The following EDNRA variants were observed in gnomAD, a reference collection of about 807,000 sequenced individuals.
EDNRA encodes endothelin-1 receptor.
A neutral mutation model predicts 41.4 loss-of-function variants in EDNRA; 11 were observed. That is an observed-to-expected ratio of 0.27 (90% CI 0.17 to 0.44). The LOEUF is 0.44. EDNRA is among the 20% of genes least tolerant of loss of function. EDNRA has a pLI of 1.00. For missense variants in EDNRA, 294 were observed against 531.0 expected (o/e 0.55, Z 4.39); for synonymous variants, 172 against 183.0 (o/e 0.94, Z 0.49).
intron 1 of EDNRA, among the ~76,000 whole-genome samples, 198 bp from the exon 2 acceptor site, chr4:147,485,414 T>C (rs1011604588): frequency 6.6e-6 from 1 of 152,086 alleles, no homozygotes; most frequent in African/African-American, 2.4e-5. Context: ...GAGACTGACA[T>C]AGAGGAGATA....
intron 2 of EDNRA, among the ~76,000 whole-genome samples, chr4:147,517,007 A>G (rs554309812): frequency 4.7e-4 from 71 of 151,512 alleles, no homozygotes; most frequent in South Asian, 4.2e-3. Flanking sequence ...AAAAAAAAGC[A>G]TATGCTTCTA....
intron 2 of EDNRA, among the ~76,000 whole-genome samples, chr4:147,500,851 G>GA (rs1729494894): frequency 6.6e-6 from 1 of 152,146 alleles, no homozygotes; most frequent in African/African-American, 2.4e-5. Flanking sequence ...GGAAGAAAGG[G>GA]AGGGAGCATG....
intron 7 of EDNRA, among the ~76,000 whole-genome samples, chr4:147,541,067 C>CAAAAAAAAAA (rs10551607): frequency 2.2e-5 from 1 of 46,166 alleles, no homozygotes; most frequent in Non-Finnish European, 4.5e-5. Flanking sequence ...GACTCAGTCT[C>CAAAAAAAAAA]AAAAAAAAAA....
chr4:147,536,910 T>C (rs1162158463), intron 5 of EDNRA, among the ~76,000 whole-genome samples: 5 of 152,214 alleles, frequency 3.3e-5, no homozygotes, highest in African/African-American at 1.2e-4. Flanking sequence ...TCTCATAATA[T>C]GTATGTAATA....
At chr4:147,530,378 GA>G (rs1423200454) in intron 3 of EDNRA, among the ~76,000 whole-genome samples, 2 of 151,952 alleles carry the variant, frequency 1.3e-5, no homozygotes, top group African/African-American at 4.8e-5. Context: ...AGGGAACAAA[GA>G]AAAATAAACA....
intron 5 of EDNRA, among the ~76,000 whole-genome samples, chr4:147,538,698 A>AG (rs1030273037): frequency 6.6e-6 from 1 of 152,198 alleles, no homozygotes; most frequent in African/African-American, 2.4e-5. Flanking sequence ...GCCATATCCC[A>AG]GCTAGCCCAA....
At chr4:147,510,277 C>T (rs1729873966) in intron 2 of EDNRA, among the ~76,000 whole-genome samples, 2 of 152,104 alleles carry the variant, frequency 1.3e-5, no homozygotes, top group Non-Finnish European at 2.9e-5. Flanking sequence ...GAAAGGAACC[C>T]AGTGTCACTG....
At chr4:147,496,315 A>T (rs1052592038) in intron 2 of EDNRA, among the ~76,000 whole-genome samples, 28 of 152,226 alleles carry the variant, frequency 1.8e-4, no homozygotes, top group African/African-American at 6.3e-4. Context: ...AAATGGTGTC[A>T]TTGATGTCAT....
In EDNRA at chr4:147,542,339, A is replaced by C. The variant is rs1257322786; in HGVS notation, c.1144-139A>C. The C allele has an allele frequency of 2.6e-6, 3 of 1,143,536 alleles. No homozygotes were observed. The East Asian group carries it at 7.3e-5, about 28-fold the overall frequency. 70.8% of individuals were successfully genotyped at this position (1,143,536 alleles called of 1,614,324 possible). On this transcript the variant is annotated intron_variant, in intron 7 of 7. Coordinates refer to ENST00000651419, the MANE Select transcript of EDNRA (RefSeq NM_001957.4). ...CCTGCCTGGTGATAACAGGCTCTCC[A>C]CTCTAGGTTACTGTCAAGGTTCACT...
At chr4:147,520,601 T>G (rs1730290374) in intron 3 of EDNRA, among the ~76,000 whole-genome samples, 1 of 152,256 alleles carries the variant, frequency 6.6e-6, no homozygotes, top group Admixed American at 6.5e-5. Context: ...TTTCTTTACC[T>G]TCTGGTTTTC....
chr4:147,541,794 G>T (rs1731112271), intron 7 of EDNRA, among the ~76,000 whole-genome samples: 1 of 152,128 alleles, frequency 6.6e-6, no homozygotes, highest in South Asian at 2.1e-4. Flanking sequence ...GCCCAAAATG[G>T]ATTGACTAAC....
chr4:147,511,494 T>C (rs1390692122), intron 2 of EDNRA, among the ~76,000 whole-genome samples: 1 of 152,210 alleles, frequency 6.6e-6, no homozygotes, highest in African/African-American at 2.4e-5. Context: ...TTTTTCCATC[T>C]ACACTCAGGA....
At chr4:147,481,578 AG>A (rs1270357331) in intron 1 of EDNRA, among the ~76,000 whole-genome samples, 1 of 152,184 alleles carries the variant, frequency 6.6e-6, no homozygotes, top group African/African-American at 2.4e-5. Context: ...GCCTTCCGTG[AG>A]GGGTGCGCTG....
chr4:147,525,495 C>A (rs192167105), intron 3 of EDNRA, among the ~76,000 whole-genome samples: 1 of 150,512 alleles, frequency 6.6e-6, no homozygotes, highest in Non-Finnish European at 1.5e-5. Context: ...AAACTTTTCC[C>A]AACAAAAATG....
intron 3 of EDNRA, among the ~76,000 whole-genome samples, chr4:147,528,957 C>G (rs1730654825): frequency 6.6e-6 from 1 of 152,168 alleles, no homozygotes. Flanking sequence ...TTGCTATGTT[C>G]TGACGTAACA....
chr4:147,504,142 T>A (rs1729608821), intron 2 of EDNRA, among the ~76,000 whole-genome samples: 1 of 152,142 alleles, frequency 6.6e-6, no homozygotes, highest in Admixed American at 6.5e-5. Context: ...AAAAAAAATG[T>A]CGTTTAAAAA....
At chr4:147,494,023 C>T (rs908682330) in intron 2 of EDNRA, 11 of 152,116 alleles carry the variant, frequency 7.2e-5, no homozygotes, top group African/African-American at 2.2e-4. Context: ...AAACAACTTC[C>T]TTGGAGACTA....
chr4:147,513,215 G>T (rs1389486805), intron 2 of EDNRA, among the ~76,000 whole-genome samples: 7 of 152,074 alleles, frequency 4.6e-5, no homozygotes, highest in Admixed American at 3.3e-4. Flanking sequence ...GCTCAGGGAG[G>T]GCACCTAAGG....
intron 2 of EDNRA, among the ~76,000 whole-genome samples, chr4:147,514,046 C>T (rs1275885350): frequency 6.6e-6 from 1 of 152,184 alleles, no homozygotes; most frequent in Non-Finnish European, 1.5e-5. Context: ...TTTACGATTA[C>T]AAATTATAGC....
Sources: gnomAD v4.1 joint callset for allele counts (sites outside exome capture counted in the v4.1 genomes callset) on GRCh38, gnomAD v4.1.1 for gene constraint, MANE v1.5 for transcripts, NCBI Gene and HGNC (gene_info 2026-07-23, HGNC 2026-07-21) for gene names.